Variants in EPN2 observed in about 807,000 individuals in gnomAD.
EPN2 encodes the protein epsin-2.
Under a neutral mutation model 61.7 loss-of-function variants are expected in EPN2, and 34 were observed. That is an observed-to-expected ratio of 0.55 (90% confidence interval 0.42 to 0.73). The LOEUF (loss-of-function observed/expected upper bound fraction) is 0.73. Among genes scored for constraint, EPN2 ranks in the 30% least tolerant of loss-of-function variants. The pLI, the probability that EPN2 is intolerant of heterozygous loss-of-function variation, is 0.00. For missense variants in EPN2, 714 were observed against 839.2 expected, an observed-to-expected ratio of 0.85 and a Z score of 1.84; for synonymous variants, 349 against 353.6, an observed-to-expected ratio of 0.99 and a Z score of 0.15.
Position 19,335,350 on chromosome 17 carries a change from A to C in EPN2, c.*1096A>C. 1 of 1,513,882 alleles carries C rather than the reference A, an allele frequency of 6.6e-7. No individual in the cohort carries two copies. Among genetic ancestry groups the C allele is most frequent in the Middle Eastern group, 1.7e-4 (1 of 5,848 alleles). 93.8% of individuals were successfully genotyped at this position (1,513,882 alleles called of 1,614,324 possible). A position where few individuals can be genotyped will look rare whatever the true frequency, so the allele number is the denominator to read the frequency against. On this transcript the variant is annotated 3_prime_UTR_variant, in exon 11 of 11. Transcript: ENST00000314728. Reference sequence around the variant, plus strand: ...CCTGAAAGTTAAAGAAAAAAATCTAATGTATGAATGTGACTCACCAATTTT... The same window carrying C: ...CCTGAAAGTTAAAGAAAAAAATCTACTGTATGAATGTGACTCACCAATTTT...
intron 4 of EPN2, among the ~76,000 whole-genome samples, chr17:19,298,154 G>A (rs1409224344): frequency 6.6e-6 from 1 of 152,014 alleles, no homozygotes; most frequent in African/African-American, 2.4e-5. Flanking sequence ...GATTACAGGC[G>A]TGAGCCACCA....
chr17:19,303,027 CAG>C (rs1476313667), intron 4 of EPN2, among the ~76,000 whole-genome samples: 2 of 152,252 alleles, frequency 1.3e-5, no homozygotes, highest in African/African-American at 2.4e-5. Flanking sequence ...CATCCACACA[CAG>C]AGTGTGCGTT....
chr17:19,283,623 T>C lies in EPN2; in HGVS notation c.504T>C (p.Phe168=), dbSNP rs567125817. The change falls in exon 3 of 11, where the codon TTT becomes TTC. Residue 168 remains phenylalanine (F), a synonymous_variant. Coordinates refer to ENST00000314728, the MANE Select transcript of EPN2 (RefSeq NM_014964.5). The surrounding 1 kb of genome is among the most constrained non-coding windows in gnomAD (Gnocchi z 7.0). ...GCATGGGCAGCAACCAGATCACCTT[T>C]GGGCGAGGCTCCAGCCAGCCCAACC... The part of the protein sequence containing the change: ...ATGMGSNQIT[F]GRGSSQPNLS... The C allele has an allele frequency of 1.2e-6, 2 of 1,613,966 alleles. No individual in the cohort carries two copies. The highest frequency in any genetic ancestry group is 2.7e-5 in the African/African-American group (2 of 75,050).
At chr17:19,284,051 C>T (rs2045382455) in intron 3 of EPN2, among the ~76,000 whole-genome samples, 1 of 152,220 alleles carries the variant, frequency 6.6e-6, no homozygotes, top group Non-Finnish European at 1.5e-5. Context: ...TGTCCTGCTG[C>T]ACATACAATG....
At chr17:19,261,049 T>C (rs1343427198) in intron 1 of EPN2, among the ~76,000 whole-genome samples, 1 of 152,240 alleles carries the variant, frequency 6.6e-6, no homozygotes, top group African/African-American at 2.4e-5. Context: ...TTTCATGACA[T>C]GCCGGCGACA....
At chr17:19,239,772 C>T (rs892171755) in intron 1 of EPN2, among the ~76,000 whole-genome samples, 3 of 152,196 alleles carry the variant, frequency 2.0e-5, no homozygotes, top group African/African-American at 7.2e-5. Flanking sequence ...GGAAAACTTC[C>T]AGCAGTGTGT....
At chr17:19,321,373 G>C (rs1430886583) in intron 7 of EPN2, among the ~76,000 whole-genome samples, 1 of 152,232 alleles carries the variant, frequency 6.6e-6, no homozygotes, top group Non-Finnish European at 1.5e-5. Flanking sequence ...GGAATAGAGA[G>C]AGTGGATTTC....
intron 1 of EPN2, among the ~76,000 whole-genome samples, chr17:19,279,094 A>C (rs2045336160): frequency 6.6e-6 from 1 of 152,094 alleles, no homozygotes; most frequent in African/African-American, 2.4e-5. Context: ...TTTTTCCTGA[A>C]GTTTAAGTAT....
Position 19,335,406 on chromosome 17 carries a change from C to T in EPN2, c.*1152C>T, listed in dbSNP as rs750275983. 8.4e-6 allele frequency: 13 copies of T among 1,549,354 alleles called. No homozygotes were observed. The highest frequency in any genetic ancestry group is 1.1e-5 in the Non-Finnish European group (13 of 1,146,398). ...ACTAATTCCTTTTTTTTATTAAAGG[C>T]ATGCAGGGATTAACAGGACTTCTGT... On this transcript the variant is annotated 3_prime_UTR_variant, in exon 11 of 11. Coordinates refer to ENST00000314728, the MANE Select transcript of EPN2 (RefSeq NM_014964.5).
intron 7 of EPN2, among the ~76,000 whole-genome samples, chr17:19,317,567 G>A (rs1049739087): frequency 2.6e-5 from 4 of 152,196 alleles, no homozygotes; most frequent in African/African-American, 9.6e-5. Context: ...GGCTCGGGAT[G>A]AGCCAGGCTG....
rs1907371969 is a variant in EPN2, at chr17:19,335,523, GA to G, written c.*1270del. On this transcript the variant is annotated 3_prime_UTR_variant, in exon 11 of 11. Coordinates refer to ENST00000314728, the MANE Select transcript of EPN2 (RefSeq NM_014964.5). ...AATCCACGCTCAGGCTAAAGATGGG[GA>G]TAATGTGGAAATGGCAGTTGTCCCG... 6.6e-7 allele frequency: 1 copy of G among 1,515,170 alleles called. No individual in the cohort carries two copies. Among genetic ancestry groups the G allele is most frequent in the African/African-American group, 1.4e-5 (1 of 72,046 alleles). 93.9% of individuals were successfully genotyped at this position (1,515,170 alleles called of 1,614,324 possible).
intron 1 of EPN2, among the ~76,000 whole-genome samples, chr17:19,263,558 T>G (rs1175202088): frequency 6.6e-6 from 1 of 152,198 alleles, no homozygotes; most frequent in Non-Finnish European, 1.5e-5. Flanking sequence ...ATTGAGCACT[T>G]CTGAGTTTCA....
intron 1 of EPN2, among the ~76,000 whole-genome samples, chr17:19,256,128 G>A (rs1022117933): frequency 2.0e-5 from 3 of 151,754 alleles, no homozygotes; most frequent in Admixed American, 1.3e-4. Context: ...TAGTAGAGAC[G>A]GGGTTTCACC....
intron 1 of EPN2, among the ~76,000 whole-genome samples, chr17:19,260,600 T>G (rs2045130759): frequency 6.6e-6 from 1 of 151,934 alleles, no homozygotes; most frequent in Non-Finnish European, 1.5e-5. Flanking sequence ...GGCTCTGGTA[T>G]TTTTTCTTTT....
intron 1 of EPN2, among the ~76,000 whole-genome samples, chr17:19,247,522 C>T (rs1477761817): frequency 1.3e-5 from 2 of 152,188 alleles, no homozygotes; most frequent in African/African-American, 4.8e-5. Flanking sequence ...GAAGGTATTT[C>T]GGATCTCAGG....
intron 5 of EPN2, among the ~76,000 whole-genome samples, chr17:19,311,770 T>C (rs575697930): frequency 7.7e-4 from 117 of 152,306 alleles, no homozygotes; most frequent in African/African-American, 2.6e-3. Flanking sequence ...GAAAAAAATA[T>C]TTTAGATTAA....
chr17:19,334,169 CT>C lies in EPN2; in HGVS notation c.1842del (p.Ala615GlnfsTer2), dbSNP rs746807878. Reference protein sequence around the residue: ...ATGSSLTPLGPAMMNMVGSVG... With the variant: ...ATGSSLTPLGXAMMNMVGSVG... ...GGTTCCTCTCTGACACCACTGGGCC[CT>C]GCAATGATGAACATGGTGGGCAGTG... On this transcript the variant is annotated frameshift_variant, in exon 11 of 11. Transcript: ENST00000314728. LOFTEE classifies it high-confidence loss of function. The surrounding 1 kb of genome is among the most constrained non-coding windows in gnomAD (Gnocchi z 4.9). The C allele has an allele frequency of 6.3e-7, 1 of 1,592,236 alleles. No individual in the cohort carries two copies. The highest frequency in any genetic ancestry group is 1.1e-5 in the South Asian group (1 of 87,662).
intron 1 of EPN2, among the ~76,000 whole-genome samples, chr17:19,242,611 C>A (rs774605582): frequency 6.6e-6 from 1 of 151,834 alleles, no homozygotes; most frequent in African/African-American, 2.4e-5. Flanking sequence ...CTGGTCTAGG[C>A]AGAGTGTGCT....
At chr17:19,263,821 C>T (rs2045168503) in intron 1 of EPN2, among the ~76,000 whole-genome samples, 2 of 152,004 alleles carry the variant, frequency 1.3e-5, no homozygotes, top group Non-Finnish European at 2.9e-5. Flanking sequence ...CTTATGTTTT[C>T]CTTGTGAGGC....
Sources: allele counts gnomAD v4.1 joint callset (sites outside exome capture counted in the v4.1 genomes callset), GRCh38; gene constraint gnomAD v4.1.1; non-coding constraint Gnocchi (gnomAD v3.1); transcripts MANE v1.5; gene names NCBI Gene and HGNC (gene_info 2026-07-23, HGNC 2026-07-21).